UST: variants seen among roughly 807,000 people sequenced by gnomAD.
UST encodes the protein uronyl 2-sulfotransferase, also known as chondroitin sulfate 2-O-sulfotransferase.
UST carries 21 observed loss-of-function variants against 45.6 expected under a neutral mutation model. The observed-to-expected ratio is 0.46, with a 90% confidence interval of 0.33 to 0.66. The LOEUF (loss-of-function observed/expected upper bound fraction) is 0.66, where lower values mean the gene tolerates loss of function less well. Ranked by LOEUF, UST falls within the 30% of genes least tolerant of loss-of-function variation. The pLI is 0.02. For synonymous variants in UST, 215 were observed against 200.6 expected, an observed-to-expected ratio of 1.07 and a Z score of -0.61; for missense variants, 463 against 512.4, an observed-to-expected ratio of 0.90 and a Z score of 0.93.
chr6:149,007,823 G>A (rs1303616661), intron 5 of UST, among the ~76,000 whole-genome samples: 1 of 152,144 alleles, frequency 6.6e-6, no homozygotes, highest in African/African-American at 2.4e-5. Context: ...GAAAAACCAA[G>A]AGGCCAGTTG....
At chr6:149,006,760 G>A (rs1241130162) in intron 5 of UST, among the ~76,000 whole-genome samples, 1 of 152,126 alleles carries the variant, frequency 6.6e-6, no homozygotes, top group South Asian at 2.1e-4. Flanking sequence ...AGCAACTGTT[G>A]TTTCTTGACT....
chr6:148,873,312 CTGCTG>C (rs1348062371), intron 1 of UST, among the ~76,000 whole-genome samples: 1 of 152,122 alleles, frequency 6.6e-6, no homozygotes, highest in Non-Finnish European at 1.5e-5. Context: ...CTCTGAGTGG[CTGCTG>C]AGATGGGGGC....
At position 148,756,021 on chromosome 6, in the gene UST, G is replaced by A. The variant is rs57614004; in HGVS notation, c.247+8344G>A. 7.0e-3 allele frequency among the ~76,000 whole-genome samples: 604 copies of A among 85,872 alleles called. 9 individuals are homozygous for A. The highest frequency in any genetic ancestry group is 0.027 in the African/African-American group (566 of 20,738). 56.3% of individuals were successfully genotyped at this position (85,872 alleles called of 152,430 possible). On this transcript the variant is annotated intron_variant, in intron 1 of 7. Transcript: ENST00000367463. ...TCCCTCCCCCCTCCCCCCACCCCAC[G>A]ACAGGCCCCGGTGTGTGATGTTCCC...
intron 5 of UST, among the ~76,000 whole-genome samples, chr6:148,981,130 G>C (rs1781125297): frequency 6.6e-6 from 1 of 152,092 alleles, no homozygotes; most frequent in Non-Finnish European, 1.5e-5. Flanking sequence ...CCCTTTTCTA[G>C]AATTCCAGTT....
chr6:148,825,325 CA>C (rs1777550452), intron 1 of UST, among the ~76,000 whole-genome samples: 1 of 152,164 alleles, frequency 6.6e-6, no homozygotes, highest in African/African-American at 2.4e-5. Context: ...TGTTTGGCTT[CA>C]GTAGTGGCAA....
chr6:149,072,931 T>C (rs1776840129), intron 7 of UST, among the ~76,000 whole-genome samples: 1 of 152,154 alleles, frequency 6.6e-6, no homozygotes. Context: ...AAAGGATTTT[T>C]AAAACAGTGG....
In UST at chr6:148,747,387, C is replaced by G; in HGVS notation, c.-44C>G. On this transcript the variant is annotated 5_prime_UTR_variant, in exon 1 of 8. Coordinates refer to ENST00000367463, the MANE Select transcript of UST (RefSeq NM_005715.3). ...CTCCTCCTCGCGGCGGATGGGTGAC[C>G]TTTTCCTGGCACGGGCAGGCTGTGG... 7.3e-7 allele frequency: 1 copy of G among 1,371,434 alleles called. No individual in the cohort carries two copies. The highest frequency in any genetic ancestry group is 1.5e-5 in the African/African-American group (1 of 65,352). 85.0% of individuals were successfully genotyped at this position (1,371,434 alleles called of 1,614,324 possible).
Position 149,076,796 on chromosome 6 carries a change from G to A in UST, c.*2680G>A, listed in dbSNP as rs995457954. The A allele has an allele frequency of 6.6e-6, 1 of 152,300 alleles. No individual in the cohort carries two copies. Among genetic ancestry groups the A allele is most frequent in the Non-Finnish European group, 1.5e-5 (1 of 68,004 alleles). 9.4% of individuals were successfully genotyped at this position (152,300 alleles called of 1,614,324 possible). A position where few individuals can be genotyped will look rare whatever the true frequency, so the allele number is the denominator to read the frequency against. On this transcript the variant is annotated 3_prime_UTR_variant, in exon 8 of 8. Coordinates refer to ENST00000367463, the MANE Select transcript of UST (RefSeq NM_005715.3). ...AATTAAAATGATTTTATTTTGGTCT[G>A]ATGGATGTTTTTTAAAAGGAAAATT...
chr6:149,021,235 G>A, intron 6 of UST, 89 bp from the exon 7 acceptor site: 2 of 1,380,532 alleles, frequency 1.4e-6, no homozygotes, highest in Non-Finnish European at 2.0e-6. Flanking sequence ...TGCAAGTGAA[G>A]GTGGGAGGTA....
At chr6:148,972,118 AAGCTT>A (rs1780929782) in intron 5 of UST, among the ~76,000 whole-genome samples, 1 of 152,210 alleles carries the variant, frequency 6.6e-6, no homozygotes, top group African/African-American at 2.4e-5. Context: ...CAAACTTGAA[AAGCTT>A]AATACCAAGA....
chr6:149,055,933 T>G (rs1464636504), intron 7 of UST, among the ~76,000 whole-genome samples: 1 of 152,108 alleles, frequency 6.6e-6, no homozygotes, highest in Non-Finnish European at 1.5e-5. Context: ...AGCCTGTTGT[T>G]GACCTAAAAC....
intron 7 of UST, among the ~76,000 whole-genome samples, chr6:149,054,450 C>T: frequency 6.6e-6 from 1 of 152,172 alleles, no homozygotes; most frequent in Non-Finnish European, 1.5e-5. Flanking sequence ...TGTCAGACAC[C>T]TAACATTGTC....
At chr6:148,951,841 T>G (rs1173758204) in intron 3 of UST, among the ~76,000 whole-genome samples, 1 of 152,244 alleles carries the variant, frequency 6.6e-6, no homozygotes, top group Non-Finnish European at 1.5e-5. Flanking sequence ...AGTTATACAT[T>G]GTCACTGCTA....
At chr6:148,803,483 G>C (rs1307178367) in intron 1 of UST, among the ~76,000 whole-genome samples, 1 of 152,060 alleles carries the variant, frequency 6.6e-6, no homozygotes, top group Admixed American at 6.5e-5. Context: ...TATTACTTCT[G>C]TCCAACTCCT....
intron 1 of UST, among the ~76,000 whole-genome samples, chr6:148,757,894 T>TTACC (rs1776126976): frequency 6.6e-6 from 1 of 152,234 alleles, no homozygotes. Flanking sequence ...AAGCACTGTG[T>TTACC]TACCATTTAT....
chr6:149,014,326 G>A lies in UST; in HGVS notation c.682-4813G>A, dbSNP rs547961889. ...GGAAGTCCTTTCATGGGCACCATGA[G>A]GAAGTCTGTCCACTTCTAAAAGAAT... On this transcript the variant is annotated intron_variant, in intron 5 of 7. Coordinates refer to ENST00000367463, the MANE Select transcript of UST (RefSeq NM_005715.3). Among the ~76,000 whole-genome samples, 4 of 152,362 alleles carry A rather than the reference G, an allele frequency of 2.6e-5. No individual in the cohort carries two copies. The South Asian group carries it at 8.3e-4, about 32-fold the overall frequency.
intron 1 of UST, among the ~76,000 whole-genome samples, chr6:148,812,537 C>T (rs1257644898): frequency 6.6e-6 from 1 of 152,156 alleles, no homozygotes; most frequent in Admixed American, 6.5e-5. Context: ...CAAGCTGTTG[C>T]CTGGGGCTGC....
intron 1 of UST, among the ~76,000 whole-genome samples, chr6:148,877,953 G>A (rs1283035742): frequency 8.2e-6 from 1 of 122,648 alleles, no homozygotes; most frequent in Non-Finnish European, 1.7e-5. Flanking sequence ...TATGAGTGCG[G>A]GGGTCGTGTA....
chr6:148,976,102 T>C (rs1781011345), intron 5 of UST, among the ~76,000 whole-genome samples: 2 of 152,214 alleles, frequency 1.3e-5, no homozygotes, highest in South Asian at 2.1e-4. Context: ...TAATTCCCCA[T>C]TGAAAAATTA....
Sources: gnomAD v4.1 joint callset for allele counts (sites outside exome capture counted in the v4.1 genomes callset) on GRCh38, gnomAD v4.1.1 for gene constraint, MANE v1.5 for transcripts, NCBI Gene and HGNC (gene_info 2026-07-23, HGNC 2026-07-21) for gene names.